Variants in PTPRN2 observed in about 807,000 individuals in gnomAD.
PTPRN2 encodes the protein receptor-type tyrosine-protein phosphatase N2.
A neutral mutation model predicts 118.8 loss-of-function variants in PTPRN2; 74 were observed. The ratio of observed to expected loss-of-function variants is 0.62; its 90% CI spans 0.52 to 0.76. PTPRN2 has a LOEUF of 0.76. PTPRN2 is among the 30% of genes least tolerant of loss of function. PTPRN2 has a pLI of 0.00. For synonymous variants in PTPRN2, 641 were observed against 608.0 expected (o/e 1.05, Z -0.80); for missense variants, 1,481 against 1,394.4 (o/e 1.06, Z -0.99).
intron 16 of PTPRN2, among the ~76,000 whole-genome samples, chr7:157,601,968 A>T (rs1801694109): frequency 6.6e-6 from 1 of 152,232 alleles, no homozygotes; most frequent in Non-Finnish European, 1.5e-5. Flanking sequence ...ACCAGAACGC[A>T]CGTTCTGTTC....
chr7:158,342,091 C>CCG (rs1806964704), intron 2 of PTPRN2, among the ~76,000 whole-genome samples: 1 of 142,594 alleles, frequency 7.0e-6, no homozygotes, highest in African/African-American at 2.7e-5. Flanking sequence ...GAAGGGGTGT[C>CCG]ACCTGCAGAC....
chr7:157,917,648 A>AT (rs34466823), intron 11 of PTPRN2, among the ~76,000 whole-genome samples: 121,163 of 152,120 alleles, frequency 0.8, 48,476 homozygotes, highest in African/African-American at 0.86. Flanking sequence ...TCAGTTTTCA[A>AT]TTGTTCAAAT....
At position 157,893,691 on chromosome 7, in the gene PTPRN2, T is replaced by C. The variant is rs1796940392; in HGVS notation, c.1788+4982A>G. ...TCCCAGGAGAGAAAAGGAGGACACC[T>C]GTGGCCATACACACCTGTTGCTCGG... On this transcript the variant is annotated intron_variant, in intron 12 of 22. Transcript: ENST00000389418. This position sits in a 1 kb window ranked among gnomAD's most constrained non-coding sequence, Gnocchi z 4.0. 6.6e-6 allele frequency among the ~76,000 whole-genome samples: 1 copy of C among 152,184 alleles called. No individual in the cohort carries two copies. Among genetic ancestry groups the C allele is most frequent in the Non-Finnish European group, 1.5e-5 (1 of 68,036 alleles).
rs1802011947 is a variant in PTPRN2, at chr7:157,967,240, G to T, written c.1724-68503C>A. Among the ~76,000 whole-genome samples, 2 of 152,206 alleles carry T rather than the reference G, an allele frequency of 1.3e-5. 1 individual carries two copies. Among genetic ancestry groups the T allele is most frequent in the South Asian group, 4.1e-4 (2 of 4,832 alleles). ...TGGGAGGACCCCTTAAGCCTAGGAG[G>T]TCGAGGCTGCAGTGCACTGTGATTG... is the stretch of plus-strand genomic sequence containing the variant. On this transcript the variant is annotated intron_variant, in intron 11 of 22. Coordinates refer to ENST00000389418, the MANE Select transcript of PTPRN2 (RefSeq NM_002847.5).
At chr7:158,430,844 G>A (rs1357500113) in intron 2 of PTPRN2, among the ~76,000 whole-genome samples, 1 of 152,208 alleles carries the variant, frequency 6.6e-6, no homozygotes, top group African/African-American at 2.4e-5. Flanking sequence ...AGTGAGGAAG[G>A]GGGAAGAGCC....
At chr7:157,722,313 T>A (rs1486359870) in intron 12 of PTPRN2, among the ~76,000 whole-genome samples, 1 of 152,174 alleles carries the variant, frequency 6.6e-6, no homozygotes, top group Admixed American at 6.5e-5. Context: ...AAGGGAGTGA[T>A]CCCGCCAGGG....
At chr7:157,855,922 T>G (rs1165247354) in intron 12 of PTPRN2, 2 of 152,246 alleles carry the variant, frequency 1.3e-5, no homozygotes, top group Non-Finnish European at 2.9e-5. Flanking sequence ...TATTTTGCCC[T>G]ACAGGTCACT....
At chr7:158,078,441 T>A (rs1812545561) in intron 11 of PTPRN2, among the ~76,000 whole-genome samples, 1 of 152,244 alleles carries the variant, frequency 6.6e-6, no homozygotes, top group Admixed American at 6.5e-5. Flanking sequence ...TCCATAGGTG[T>A]CCGCCCATCA....
At chr7:157,851,814 T>A (rs1809295813) in intron 12 of PTPRN2, among the ~76,000 whole-genome samples, 2 of 152,234 alleles carry the variant, frequency 1.3e-5, no homozygotes, top group Non-Finnish European at 2.9e-5. Context: ...GACGCTCACA[T>A]GGCAAACTTT....
rs762559615 is a variant in PTPRN2 at position 157,682,857 on chromosome 7, G to A, written c.1869C>T (p.Leu623=). 1.6e-5 allele frequency: 26 copies of A among 1,614,000 alleles called. 1 individual carries two copies. The South Asian group carries it at 2.6e-4, about 16-fold the overall frequency. The change falls in exon 13 of 23, where the codon CTC becomes CTT. Residue 623 remains leucine (L), a synonymous_variant. Transcript: ENST00000389418. The part of the protein sequence containing the change: ...TKFIALTLVS[L]ACILGVLLAS... ...CCAGGAGGACGCCCAGGATGCAGGC[G>A]AGGGAGACCAGGGTGAGCGCGATGA...
intron 2 of PTPRN2, among the ~76,000 whole-genome samples, chr7:158,429,296 G>A (rs913983658): frequency 6.6e-6 from 1 of 152,208 alleles, no homozygotes; most frequent in African/African-American, 2.4e-5. Flanking sequence ...CGTTCCAGCA[G>A]ATCCACAGCC....
intron 12 of PTPRN2, among the ~76,000 whole-genome samples, chr7:157,743,263 G>T (rs2366831): frequency 0.12 from 18,671 of 152,238 alleles, 1,528 homozygotes; most frequent in Non-Finnish European, 0.18. Flanking sequence ...CATCCAGTGG[G>T]TTCGAATGTC....
chr7:157,927,187 C>T (rs1275386919), intron 11 of PTPRN2, among the ~76,000 whole-genome samples: 5 of 95,298 alleles, frequency 5.2e-5, no homozygotes, highest in Non-Finnish European at 6.1e-5. Context: ...AGAGGCCTCG[C>T]GTCTTCTGGG....
intron 6 of PTPRN2, among the ~76,000 whole-genome samples, chr7:158,139,622 C>T (rs966937606): frequency 6.6e-5 from 10 of 151,974 alleles, no homozygotes; most frequent in East Asian, 1.9e-4. Flanking sequence ...AGGAGAACCA[C>T]GCCATGACTT....
intron 2 of PTPRN2, among the ~76,000 whole-genome samples, chr7:158,468,438 G>A (rs1177420905): frequency 6.6e-6 from 1 of 152,214 alleles, no homozygotes; most frequent in Non-Finnish European, 1.5e-5. Context: ...GGAAGCTTCA[G>A]AGAAAAAGAA....
chr7:158,415,027 TGATACAACCAGCTACTTCTCTGATG>T (rs1814536197), intron 2 of PTPRN2, among the ~76,000 whole-genome samples: 3 of 23,888 alleles, frequency 1.3e-4, no homozygotes, highest in Non-Finnish European at 2.6e-4. Context: ...ACTTTCCTGA[TGATACAACCAGCTACTTCTCTGATG>T]ATACAACCAG....
chr7:158,358,172 G>T (rs1368957434), intron 2 of PTPRN2, among the ~76,000 whole-genome samples: 1 of 152,176 alleles, frequency 6.6e-6, no homozygotes, highest in African/African-American at 2.4e-5. Context: ...CAAGCCTCGG[G>T]AGGCTGCCCC....
chr7:158,212,579 A>C (rs1827684489), intron 3 of PTPRN2, among the ~76,000 whole-genome samples: 1 of 152,228 alleles, frequency 6.6e-6, no homozygotes, highest in South Asian at 2.1e-4. Context: ...GCTAGACAGC[A>C]AGGAGCCTTA....
intron 2 of PTPRN2, among the ~76,000 whole-genome samples, chr7:158,442,370 A>G (rs1817411910): frequency 6.6e-6 from 1 of 152,120 alleles, no homozygotes; most frequent in Admixed American, 6.5e-5. Context: ...GAGAGCTGAA[A>G]GTGACCAGTT....
Sources: gnomAD v4.1 joint callset for allele counts (sites outside exome capture counted in the v4.1 genomes callset) on GRCh38, gnomAD v4.1.1 for gene constraint, Gnocchi (gnomAD v3.1) non-coding constraint, MANE v1.5 for transcripts, NCBI Gene and HGNC (gene_info 2026-07-23, HGNC 2026-07-21) for gene names.